The following GSE1 variants were observed in gnomAD, a reference collection of about 807,000 sequenced individuals.
GSE1 encodes genetic suppressor element 1.
In GSE1, 32 loss-of-function variants were observed where a neutral mutation model predicts 112.6. That is an observed-to-expected ratio of 0.28 (90% CI 0.21 to 0.38). The LOEUF is 0.38. Among genes scored for constraint, GSE1 ranks in the 10% least tolerant of loss-of-function variants. The pLI is 1.00. For synonymous variants in GSE1, 1,115 were observed against 735.6 expected, an observed-to-expected ratio of 1.52 and a Z score of -8.35; for missense variants, 2,348 against 1,699.2, an observed-to-expected ratio of 1.38 and a Z score of -6.71.
chr16:85,227,731 G>T (rs2143808956), intron 1 of GSE1, among the ~76,000 whole-genome samples: 1 of 152,280 alleles, frequency 6.6e-6, no homozygotes, highest in Middle Eastern at 3.4e-3. Flanking sequence ...CGCAGGCTCT[G>T]GAGCACCCAC....
exon 2 of GSE1, chr16:85,357,534 C>G: frequency 7.8e-7 from 1 of 1,274,928 alleles, no homozygotes; most frequent in Non-Finnish European, 1.0e-6. Flanking sequence ...CCCGGCCACG[C>G]GCCCCCACGG....
intron 2 of GSE1, among the ~76,000 whole-genome samples, chr16:85,482,181 G>A (rs2050700770): frequency 6.6e-6 from 1 of 152,184 alleles, no homozygotes. Flanking sequence ...CAGTGCTGTC[G>A]GCTGGAGAAG....
At chr16:85,582,774 T>G (rs1342038728) in intron 1 of GSE1, among the ~76,000 whole-genome samples, 1 of 152,168 alleles carries the variant, frequency 6.6e-6, no homozygotes, top group East Asian at 1.9e-4. Flanking sequence ...TTTTCACCCC[T>G]GAGAGCCTGT....
At chr16:85,507,469 G>A (rs2051577463) in intron 2 of GSE1, among the ~76,000 whole-genome samples, 1 of 152,222 alleles carries the variant, frequency 6.6e-6, no homozygotes. Context: ...TGCCCAGTGG[G>A]TGCTGCATTC....
chr16:85,557,022 T>TGGAGG (rs573029301), intron 1 of GSE1, among the ~76,000 whole-genome samples: 30 of 151,956 alleles, frequency 2.0e-4, no homozygotes, highest in African/African-American at 3.1e-4. Context: ...GCTTTCAGCC[T>TGGAGG]GGAGGGGAGG....
At chr16:85,235,231 G>C (rs965235644) in intron 1 of GSE1, among the ~76,000 whole-genome samples, 2 of 152,118 alleles carry the variant, frequency 1.3e-5, no homozygotes, top group South Asian at 4.2e-4. Context: ...AACAAAATCA[G>C]AACAAGCTCC....
Position 85,648,771 on chromosome 16 carries a change from G to A in GSE1, c.426+20G>A. 1 of 1,480,378 alleles carries A rather than the reference G, an allele frequency of 6.8e-7. No homozygotes were observed. The highest frequency in any genetic ancestry group is 1.2e-5 in the South Asian group (1 of 81,428). The allele number at this position is 1,480,378 out of a possible 1,614,324, so 91.7% of individuals were successfully genotyped here. A position where few individuals can be genotyped will look rare whatever the true frequency, so the allele number is the denominator to read the frequency against. On this transcript the variant is annotated intron_variant, in intron 3 of 15. Coordinates refer to ENST00000253458, the MANE Select transcript of GSE1 (RefSeq NM_014615.5). ...CGGCAGGTGAGTGGGGCGGGGCAGG[G>A]AGCCTAGCGTCCTCTAAGTGGGGAG...
At chr16:85,272,442 C>T (rs1462994196) in intron 1 of GSE1, among the ~76,000 whole-genome samples, 1 of 147,902 alleles carries the variant, frequency 6.8e-6, no homozygotes, top group African/African-American at 2.7e-5. Context: ...TTTCTATTTT[C>T]CTGGAAAACG....
At chr16:85,208,139 C>A (rs1392843534) in intron 1 of GSE1, among the ~76,000 whole-genome samples, 2 of 152,112 alleles carry the variant, frequency 1.3e-5, no homozygotes, top group African/African-American at 2.4e-5. Context: ...CTTGAATGGC[C>A]TGGTGACTTT....
intron 1 of GSE1, among the ~76,000 whole-genome samples, chr16:85,614,715 A>T (rs2048259690): frequency 6.6e-6 from 1 of 152,170 alleles, no homozygotes; most frequent in African/African-American, 2.4e-5. Context: ...GCTCTTACAA[A>T]CTAGCCTTTG....
chr16:85,454,247 G>C (rs1339053373), intron 2 of GSE1, among the ~76,000 whole-genome samples: 1 of 152,226 alleles, frequency 6.6e-6, no homozygotes, highest in Non-Finnish European at 1.5e-5. Context: ...TAGCATTGGT[G>C]GTGTGTAATT....
intron 1 of GSE1, among the ~76,000 whole-genome samples, chr16:85,235,972 C>T (rs1483449293): frequency 6.6e-6 from 1 of 151,832 alleles, no homozygotes; most frequent in Non-Finnish European, 1.5e-5. Flanking sequence ...CCCTCCGGCG[C>T]CGGGCCTGGG....
At chr16:85,650,767 G>C (rs1207151521) in intron 3 of GSE1, among the ~76,000 whole-genome samples, 1 of 152,084 alleles carries the variant, frequency 6.6e-6, no homozygotes, top group Non-Finnish European at 1.5e-5. Flanking sequence ...AATCCTCTCG[G>C]AGTGGGGAGG....
chr16:85,444,449 C>T (rs927095563), intron 2 of GSE1, among the ~76,000 whole-genome samples: 2 of 152,254 alleles, frequency 1.3e-5, no homozygotes, highest in East Asian at 1.9e-4. Context: ...TGCAGGAGGC[C>T]GCTGGCGTTG....
intron 1 of GSE1, among the ~76,000 whole-genome samples, chr16:85,604,597 C>T (rs886892499): frequency 2.7e-5 from 4 of 149,278 alleles, no homozygotes; most frequent in East Asian, 2.0e-4. Flanking sequence ...CTCTTCCCCC[C>T]GTTGATGGTC....
At chr16:85,400,977 C>G (rs945866515) in intron 2 of GSE1, among the ~76,000 whole-genome samples, 1 of 152,124 alleles carries the variant, frequency 6.6e-6, no homozygotes, top group African/African-American at 2.4e-5. Context: ...TGAGAGGAGG[C>G]AGCCGGCAAG....
chr16:85,547,950 G>A (rs995869103), intron 2 of GSE1, among the ~76,000 whole-genome samples: 2 of 149,028 alleles, frequency 1.3e-5, no homozygotes, highest in Admixed American at 1.3e-4. Context: ...ATTTGAGGCC[G>A]GGCGAGGTGG....
At chr16:85,248,606 AG>A (rs1906124579) in intron 1 of GSE1, among the ~76,000 whole-genome samples, 2 of 151,708 alleles carry the variant, frequency 1.3e-5, no homozygotes, top group East Asian at 3.9e-4. Flanking sequence ...GTCCTGGGGG[AG>A]CCGCCATGAT....
At chr16:85,499,333 C>G (rs548579909) in intron 2 of GSE1, among the ~76,000 whole-genome samples, 1 of 101,870 alleles carries the variant, frequency 9.8e-6, no homozygotes, top group East Asian at 3.2e-4. Flanking sequence ...TTTTTTGAGA[C>G]AGAGTCTCAC....
Sources: gnomAD v4.1 joint callset for allele counts (sites outside exome capture counted in the v4.1 genomes callset) on GRCh38, gnomAD v4.1.1 for gene constraint, MANE v1.5 for transcripts, NCBI Gene and HGNC (gene_info 2026-07-23, HGNC 2026-07-21) for gene names.